The following UNC13C variants were observed in gnomAD, a reference collection of about 807,000 sequenced individuals.
UNC13C encodes protein unc-13 homolog C.
UNC13C carries 174 observed loss-of-function variants against 245.4 expected under a neutral mutation model. The ratio of observed to expected loss-of-function variants is 0.71; its 90% CI spans 0.63 to 0.80. The LOEUF is 0.80. UNC13C is among the 30% of genes least tolerant of loss of function. The pLI is 0.00. For synonymous variants in UNC13C, 992 were observed against 895.1 expected, an observed-to-expected ratio of 1.11 and a Z score of -1.93; for missense variants, 2,829 against 2,602.9, an observed-to-expected ratio of 1.09 and a Z score of -1.89.
chr15:54,289,955 G>A (rs1339397703), intron 10 of UNC13C, among the ~76,000 whole-genome samples: 6 of 152,032 alleles, frequency 3.9e-5, no homozygotes, highest in Non-Finnish European at 7.4e-5. Context: ...CAGAAGATGA[G>A]CAATACAAGG....
chr15:54,462,749 C>T (rs368756192), intron 19 of UNC13C, among the ~76,000 whole-genome samples: 4 of 152,218 alleles, frequency 2.6e-5, no homozygotes, highest in South Asian at 2.1e-4. Flanking sequence ...CATGGGCTCC[C>T]GCGCAGCCCG....
chr15:54,452,004 A>C (rs1891207269), intron 19 of UNC13C, among the ~76,000 whole-genome samples: 2 of 152,140 alleles, frequency 1.3e-5, no homozygotes, highest in Non-Finnish European at 2.9e-5. Context: ...GTAGTGTATT[A>C]TTTGTATCAT....
At chr15:54,204,848 T>C (rs2034657600) in intron 4 of UNC13C, among the ~76,000 whole-genome samples, 1 of 151,996 alleles carries the variant, frequency 6.6e-6, no homozygotes, top group Admixed American at 6.6e-5. Flanking sequence ...GAAATCTTTT[T>C]TGAACTGAGT....
At chr15:54,113,834 A>G (rs2030013342) in intron 2 of UNC13C, among the ~76,000 whole-genome samples, 1 of 152,188 alleles carries the variant, frequency 6.6e-6, no homozygotes, top group African/African-American at 2.4e-5. Flanking sequence ...TCAAAAAAAT[A>G]AAGAAAAATT....
intron 19 of UNC13C, among the ~76,000 whole-genome samples, chr15:54,450,374 G>A (rs1891100861): frequency 1.3e-5 from 2 of 152,358 alleles, no homozygotes; most frequent in Non-Finnish European, 2.9e-5. Context: ...CAGAGGTGGA[G>A]TCTACAGAGG....
intron 2 of UNC13C, among the ~76,000 whole-genome samples, chr15:54,105,906 C>A (rs1441460963): frequency 6.6e-6 from 1 of 152,210 alleles, no homozygotes; most frequent in African/African-American, 2.4e-5. Flanking sequence ...AAGCCATCAC[C>A]ATCCTTTGAA....
chr15:54,174,465 T>A (rs2033536032), intron 4 of UNC13C, among the ~76,000 whole-genome samples: 1 of 152,206 alleles, frequency 6.6e-6, no homozygotes, highest in Admixed American at 6.5e-5. Context: ...ATAATTGTGC[T>A]GTTTTAACTC....
chr15:54,460,623 G>A (rs1446976131), intron 19 of UNC13C, among the ~76,000 whole-genome samples: 2 of 152,226 alleles, frequency 1.3e-5, no homozygotes, highest in African/African-American at 2.4e-5. Context: ...GGGTTTCTCA[G>A]GCAATGGGCA....
At chr15:54,526,605 G>A (rs184615624) in intron 25 of UNC13C, among the ~76,000 whole-genome samples, 37 of 151,992 alleles carry the variant, frequency 2.4e-4, no homozygotes, top group Admixed American at 1.2e-3. Flanking sequence ...GTAGCCGGGC[G>A]TGGTGACGGG....
chr15:53,936,533 ACTT>A, the UNC13C span, among the ~76,000 whole-genome samples: 3 of 152,244 alleles, frequency 2.0e-5, no homozygotes, highest in East Asian at 1.9e-4. Context: ...CAGCCAGACT[ACTT>A]CTTTAAGTGA....
intron 24 of UNC13C, among the ~76,000 whole-genome samples, chr15:54,513,231 T>C (rs1894829107): frequency 6.6e-6 from 1 of 152,194 alleles, no homozygotes; most frequent in Non-Finnish European, 1.5e-5. Flanking sequence ...AGAAAAGTGA[T>C]GAAGAAATTA....
intron 2 of UNC13C, among the ~76,000 whole-genome samples, chr15:54,075,488 C>A (rs1392522980): frequency 2.0e-5 from 2 of 99,156 alleles, no homozygotes; most frequent in African/African-American, 5.0e-5. Flanking sequence ...TGAGCCGGAG[C>A]TTGCAGTGAG....
At chr15:54,440,682 G>T (rs561234049) in intron 19 of UNC13C, among the ~76,000 whole-genome samples, 22 of 152,098 alleles carry the variant, frequency 1.4e-4, no homozygotes, top group Middle Eastern at 3.4e-3. Context: ...CCAATAGTGG[G>T]ATTGGTGGAT....
intron 28 of UNC13C, among the ~76,000 whole-genome samples, chr15:54,551,748 A>G (rs1896743167): frequency 1.3e-5 from 2 of 151,978 alleles, no homozygotes; most frequent in Non-Finnish European, 2.9e-5. Flanking sequence ...ATCATATTCC[A>G]TTATTGGCTT....
At chr15:54,022,311 G>T (rs1895935895) in intron 2 of UNC13C, among the ~76,000 whole-genome samples, 1 of 151,678 alleles carries the variant, frequency 6.6e-6, no homozygotes, top group Non-Finnish European at 1.5e-5. Context: ...GTGGTTTTTT[G>T]GCTGTTTCTT....
At chr15:54,007,662 T>C (rs1895201098) in intron 1 of UNC13C, among the ~76,000 whole-genome samples, 1 of 152,202 alleles carries the variant, frequency 6.6e-6, no homozygotes, top group African/African-American at 2.4e-5. Context: ...AAATGTGTGC[T>C]AGGCTTAATA....
the UNC13C span, among the ~76,000 whole-genome samples, chr15:53,860,473 C>T: frequency 6.6e-6 from 1 of 152,104 alleles, no homozygotes; most frequent in African/African-American, 2.4e-5. Context: ...TTAGATGCTT[C>T]AGTCATGGGG....
intron 10 of UNC13C, among the ~76,000 whole-genome samples, chr15:54,282,991 A>G (rs2037039747): frequency 1.3e-5 from 2 of 152,088 alleles, no homozygotes; most frequent in African/African-American, 2.4e-5. Flanking sequence ...TAAAGTGAAG[A>G]CCTCACTCAA....
chr15:54,454,514 G>T (rs1213966487), intron 19 of UNC13C, among the ~76,000 whole-genome samples: 6 of 151,226 alleles, frequency 4.0e-5, no homozygotes, highest in African/African-American at 9.7e-5. Flanking sequence ...GGAGGTGGAG[G>T]TTGCAGTGAG....
Sources: gnomAD v4.1 joint callset for allele counts (sites outside exome capture counted in the v4.1 genomes callset) on GRCh38, gnomAD v4.1.1 for gene constraint, MANE v1.5 for transcripts, NCBI Gene and HGNC (gene_info 2026-07-23, HGNC 2026-07-21) for gene names.